The following ABCA3 variants were observed in gnomAD, a reference collection of about 807,000 sequenced individuals.
ABCA3 encodes ATP binding cassette subfamily A member 3.
ABCA3 carries 88 observed loss-of-function variants against 172.8 expected under a neutral mutation model. That is an observed-to-expected ratio of 0.51 (90% CI 0.43 to 0.61). The LOEUF is 0.61. Among genes scored for constraint, ABCA3 ranks in the 20% least tolerant of loss-of-function variants. The pLI, the probability that ABCA3 is intolerant of heterozygous loss-of-function variation, is 0.00. For synonymous variants in ABCA3, 1,066 were observed against 983.8 expected, an observed-to-expected ratio of 1.08 and a Z score of -1.56; for missense variants, 2,164 against 2,301.0, an observed-to-expected ratio of 0.94 and a Z score of 1.22.
intron 7 of ABCA3, among the ~76,000 whole-genome samples, chr16:2,321,769 C>A (rs1280761736): frequency 6.6e-6 from 1 of 152,208 alleles, no homozygotes. Context: ...ATGAACACCA[C>A]ACTGATTCCG....
chr16:2,298,651 T>G, intron 14 of ABCA3, 111 bp from the exon 15 acceptor site: 4 of 1,373,008 alleles, frequency 2.9e-6, no homozygotes, highest in Non-Finnish European at 3.0e-6. Context: ...CTGAGGACCC[T>G]GCCCATGAGA....
Position 2,297,034 on chromosome 16 carries a change from T to A in ABCA3, c.2263+295A>T, listed in dbSNP as rs2093680899. Among the ~76,000 whole-genome samples the A allele has an allele frequency of 6.6e-6, 1 of 152,160 alleles. No homozygotes were observed. Among genetic ancestry groups the A allele is most frequent in the Admixed American group, 6.6e-5 (1 of 15,266 alleles). On this transcript the variant is annotated intron_variant, in intron 17 of 32. Coordinates refer to ENST00000301732, the MANE Select transcript of ABCA3 (RefSeq NM_001089.3). This position sits in a 1 kb window ranked among gnomAD's most constrained non-coding sequence, Gnocchi z 5.6. ...ACGTGGGAGCTGCCATGTTGGTGCG[T>A]GTGTTGGCCTCTCCAAGGGCAGTGC...
rs544223399 is a variant in ABCA3, at chr16:2,337,548, AT to A, written c.-539+3024del. Reference sequence around the variant, plus strand: ...ACCACCATGCCCGGCTAATTGTTTGATTTTTTTTTTTTTTTTTTTAGAGATG... The same window carrying A: ...ACCACCATGCCCGGCTAATTGTTTGATTTTTTTTTTTTTTTTTTAGAGATG... On this transcript the variant is annotated intron_variant, in intron 1 of 32. Transcript: ENST00000301732. Among the ~76,000 whole-genome samples, 701 of 125,140 alleles carry A rather than the reference AT, an allele frequency of 5.6e-3. 2 individuals are homozygous for A. Among genetic ancestry groups the A allele is most frequent in the Middle Eastern group, 0.017 (4 of 240 alleles). The allele number at this position is 125,140 out of a possible 152,430, so 82.1% of individuals were successfully genotyped here. A position where few individuals can be genotyped will look rare whatever the true frequency, so the allele number is the denominator to read the frequency against.
At chr16:2,290,992 C>T (rs2093671103) in intron 19 of ABCA3, among the ~76,000 whole-genome samples, 2 of 152,130 alleles carry the variant, frequency 1.3e-5, no homozygotes, top group African/African-American at 4.8e-5. Flanking sequence ...GCCTCAGCCT[C>T]CCAAGTAGCT....
rs2093668611 is a variant in ABCA3, at chr16:2,289,535, C to T, written c.2599G>A (p.Asp867Asn). Residue 867 changes from aspartate (D) to asparagine (N), a missense_variant, in exon 20 of 33, where the codon GAC (aspartate) becomes AAC (asparagine). Physicochemically the swap from Asp to Asn is conservative, Grantham distance 23. Transcript: ENST00000301732. ...LQYQHERRAS[D>N]WAVDSNLCGA... is the part of the protein sequence containing the mutation. Reference sequence around the variant, plus strand: ...CAGAGGTTGCTGTCCACAGCCCAGTCGCTGGCGCGCCTCTCGTGCTGGTAC... The same window carrying T: ...CAGAGGTTGCTGTCCACAGCCCAGTTGCTGGCGCGCCTCTCGTGCTGGTAC... 5 of 1,576,394 alleles carry T rather than the reference C, an allele frequency of 3.2e-6. No individual in the cohort carries two copies. The highest frequency in any genetic ancestry group is 2.3e-5 in the East Asian group (1 of 43,540).
chr16:2,291,753 C>T (rs1157448786), intron 19 of ABCA3, among the ~76,000 whole-genome samples: 3 of 152,178 alleles, frequency 2.0e-5, no homozygotes, highest in African/African-American at 4.8e-5. Flanking sequence ...AGATCATAAC[C>T]GAGGTGACTG....
At chr16:2,289,264 C>G (rs768619797) in intron 20 of ABCA3, 170 bp downstream of exon 20, 1 of 748,496 alleles carries the variant, frequency 1.3e-6, no homozygotes, top group South Asian at 1.8e-5. Context: ...TCAAACGCTT[C>G]TCCCTGCCGA....
At position 2,284,204 on chromosome 16, in the gene ABCA3, C is replaced by G. The variant is rs968151693; in HGVS notation, c.3862+75G>C. 1.3e-6 allele frequency: 2 copies of G among 1,524,458 alleles called. No homozygotes were observed. Among genetic ancestry groups the G allele is most frequent in the Non-Finnish European group, 1.8e-6 (2 of 1,129,082 alleles). 94.4% of individuals were successfully genotyped at this position (1,524,458 alleles called of 1,614,324 possible). ...ACTCAGACGCAGAGGAGCCCCTGCC[C>G]TAGGAGGCCCCTCTGCAGTGACCAC... On this transcript the variant is annotated intron_variant, in intron 25 of 32. Transcript: ENST00000301732. The surrounding 1 kb of genome is among the most constrained non-coding windows in gnomAD (Gnocchi z 5.9).
chr16:2,303,914 G>A, intron 12 of ABCA3, 55 bp downstream of exon 12: 1 of 1,601,606 alleles, frequency 6.2e-7, no homozygotes, highest in Middle Eastern at 1.7e-4. Context: ...CAGGTACTGG[G>A]GACACCTCTG....
At chr16:2,315,051 T>C (rs985411650) in intron 10 of ABCA3, among the ~76,000 whole-genome samples, 7 of 144,382 alleles carry the variant, frequency 4.8e-5, no homozygotes, top group African/African-American at 1.3e-4. Flanking sequence ...CTAATTTTTG[T>C]ATTTTTTTTT....
At chr16:2,319,244 T>G (rs909034197) in intron 8 of ABCA3, among the ~76,000 whole-genome samples, 5 of 152,006 alleles carry the variant, frequency 3.3e-5, no homozygotes, top group Non-Finnish European at 7.4e-5. Flanking sequence ...CCAGCACTTC[T>G]GGAGGCCGAG....
rs1288528632 is a variant in ABCA3, at chr16:2,284,843, C to T, written c.3639G>A (p.Leu1213=). 2 of 1,613,930 alleles carry T rather than the reference C, an allele frequency of 1.2e-6. No individual in the cohort carries two copies. The highest frequency in any genetic ancestry group is 2.2e-5 in the South Asian group (2 of 91,070). ...TGCCTGACAGGATGTTGAAGATGGT[C>T]AGCCTCGTGTAGGCAGTGGCCGCCC... ...FLGAATAYTR[L]TIFNILSGIA... Residue 1213 remains leucine, a synonymous_variant, in exon 24 of 33, where the codon CTG becomes CTA. Transcript: ENST00000301732. The surrounding 1 kb of genome is among the most constrained non-coding windows in gnomAD (Gnocchi z 5.9).
Position 2,317,737 on chromosome 16 carries a change from T to G in ABCA3, c.901A>C (p.Ser301Arg). The stretch of plus-strand genomic sequence containing the variant: ...AACCAGGCACTCCAGTGCAGCCAGC[T>G]GCTGAGCCCCATCATGCGCATGTAC... Reference protein sequence around the residue: ...KEYMRMMGLSSWLHWSAWFLL... With the variant: ...KEYMRMMGLSRWLHWSAWFLL... Residue 301 changes from serine to arginine, a missense_variant, in exon 9 of 33, where the codon AGC becomes CGC. Ser to Arg is a moderately radical substitution (Grantham distance 110). Coordinates refer to ENST00000301732, the MANE Select transcript of ABCA3 (RefSeq NM_001089.3). 6.2e-7 allele frequency: 1 copy of G among 1,614,228 alleles called. No individual in the cohort carries two copies. Among genetic ancestry groups the G allele is most frequent in the South Asian group, 1.1e-5 (1 of 91,086 alleles).
At chr16:2,301,875 T>C (rs1398103224) in intron 12 of ABCA3, among the ~76,000 whole-genome samples, 4 of 152,152 alleles carry the variant, frequency 2.6e-5, no homozygotes, top group Non-Finnish European at 5.9e-5. Flanking sequence ...GCCCCAAAAC[T>C]GGCCATAAAT....
chr16:2,277,799 AC>A lies in ABCA3; in HGVS notation c.4909+79del, dbSNP rs2093648796. 19 of 1,594,464 alleles carry A rather than the reference AC, an allele frequency of 1.2e-5. No individual in the cohort carries two copies. In the East Asian group the frequency reaches 4.3e-4, roughly 36 times the overall value. Reference sequence around the variant, plus strand: ...TGGGACTTGGCGGGGCGAGGCACAGACGCTCCGCACAGCAGATGGGAGAGGC... The same window carrying A: ...TGGGACTTGGCGGGGCGAGGCACAGAGCTCCGCACAGCAGATGGGAGAGGC... On this transcript the variant is annotated intron_variant, in intron 31 of 32. Coordinates refer to ENST00000301732, the MANE Select transcript of ABCA3 (RefSeq NM_001089.3). This position sits in a 1 kb window ranked among gnomAD's most constrained non-coding sequence, Gnocchi z 5.3.
Position 2,283,400 on chromosome 16 carries a change from C to T in ABCA3, c.3863-42G>A. On this transcript the variant is annotated intron_variant, in intron 25 of 32. Coordinates refer to ENST00000301732, the MANE Select transcript of ABCA3 (RefSeq NM_001089.3). The surrounding 1 kb of genome is among the most constrained non-coding windows in gnomAD (Gnocchi z 5.4). ...TCACTGTGCCCCGAGGCCTGGGGCACCCTCCTCCCCTTCCAGGTTCCCGGC... is the reference window on the plus strand; with the variant it reads ...TCACTGTGCCCCGAGGCCTGGGGCATCCTCCTCCCCTTCCAGGTTCCCGGC... The T allele has an allele frequency of 6.2e-7, 1 of 1,600,328 alleles. No individual in the cohort carries two copies. Among genetic ancestry groups the T allele is most frequent in the Non-Finnish European group, 8.5e-7 (1 of 1,172,066 alleles).
chr16:2,283,370 G>A lies in ABCA3; in HGVS notation c.3863-12C>T, dbSNP rs2093658043. On this transcript the variant is annotated splice_polypyrimidine_tract_variant and intron_variant, in intron 25 of 32. Transcript: ENST00000301732. This position sits in a 1 kb window ranked among gnomAD's most constrained non-coding sequence, Gnocchi z 5.4. The stretch of plus-strand genomic sequence containing the variant: ...CTGGTACTGGATGTCTGTGGGGCGA[G>A]GGAGTCACTGTGCCCCGAGGCCTGG... 6.2e-7 allele frequency: 1 copy of A among 1,611,364 alleles called. No homozygotes were observed. The highest frequency in any genetic ancestry group is 8.5e-7 in the Non-Finnish European group (1 of 1,179,280).
intron 9 of ABCA3, 49 bp from the exon 10 acceptor site, chr16:2,317,452 C>A: frequency 1.9e-6 from 3 of 1,610,572 alleles, no homozygotes; most frequent in Non-Finnish European, 2.5e-6. Flanking sequence ...CAGAGGTGGA[C>A]CAGGAGGACT....
At chr16:2,282,900 A>T (rs4787272) in intron 26 of ABCA3, among the ~76,000 whole-genome samples, 2 of 97,864 alleles carry the variant, frequency 2.0e-5, no homozygotes, top group Non-Finnish European at 4.5e-5. Flanking sequence ...CCCCTCCTCC[A>T]GGCACTGGGT....
Sources: allele counts gnomAD v4.1 joint callset (sites outside exome capture counted in the v4.1 genomes callset), GRCh38; gene constraint gnomAD v4.1.1; non-coding constraint Gnocchi (gnomAD v3.1); transcripts MANE v1.5; gene names NCBI Gene and HGNC (gene_info 2026-07-23, HGNC 2026-07-21).